Variants in ABCA1 observed in about 807,000 individuals in gnomAD.
ABCA1 encodes the protein ATP binding cassette subfamily A member 1.
Under a neutral mutation model 262.5 loss-of-function variants are expected in ABCA1, and 133 were observed. The observed-to-expected ratio is 0.51, with a 90% CI of 0.44 to 0.59. The LOEUF (loss-of-function observed/expected upper bound fraction) is 0.59, where lower values mean the gene tolerates loss of function less well. Among genes scored for constraint, ABCA1 ranks in the 20% least tolerant of loss-of-function variants. The pLI is 0.00. For missense variants in ABCA1, 2,452 were observed against 2,777.5 expected, an observed-to-expected ratio of 0.88 and a Z score of 2.63; for synonymous variants, 1,022 against 1,043.5, an observed-to-expected ratio of 0.98 and a Z score of 0.40.
At chr9:104,866,254 G>T (rs1219000128) in intron 5 of ABCA1, among the ~76,000 whole-genome samples, 1 of 152,108 alleles carries the variant, frequency 6.6e-6, no homozygotes, top group East Asian at 1.9e-4. Context: ...AAAAGGAGGG[G>T]GTGAGGACAG....
chr9:104,784,558 A>T, intron 49 of ABCA1, 103 bp from the exon 50 acceptor site: 1 of 1,360,928 alleles, frequency 7.3e-7, no homozygotes. Flanking sequence ...AAGTAGGAGC[A>T]TACAGAATTA....
chr9:104,840,218 A>G (rs1259582191), intron 9 of ABCA1, 61 bp downstream of exon 9: 3 of 1,612,506 alleles, frequency 1.9e-6, no homozygotes, highest in African/African-American at 1.3e-5. Flanking sequence ...ACACAGGCCA[A>G]GGCCAGAACT....
chr9:104,861,529 T>C (rs1836385826), intron 6 of ABCA1, 150 bp downstream of exon 6: 3 of 1,137,628 alleles, frequency 2.6e-6, no homozygotes, highest in Non-Finnish European at 3.9e-6. Context: ...CCTGCCTGAA[T>C]AGGGAAGTAA....
rs771051253 is a variant in ABCA1, at chr9:104,806,301, G to A, written c.4404C>T (p.Asp1468=). 6.2e-7 allele frequency: 1 copy of A among 1,614,106 alleles called. No homozygotes were observed. The highest frequency in any genetic ancestry group is 8.5e-7 in the Non-Finnish European group (1 of 1,180,032). The change falls in exon 31 of 50, where the codon GAC becomes GAT. Residue 1468 remains aspartate (D), a synonymous_variant. Transcript: ENST00000374736. The part of the protein sequence containing the change: ...NPSPACQCSS[D]KIKKMLPVCP... Reference sequence around the variant, plus strand: ...ACACAGGCAGCATCTTCTTGATTTTGTCGCTGCTACACTGGCATGCAGGTG... The same window carrying A: ...ACACAGGCAGCATCTTCTTGATTTTATCGCTGCTACACTGGCATGCAGGTG...
intron 7 of ABCA1, among the ~76,000 whole-genome samples, chr9:104,857,849 GA>G (rs1380113248): frequency 2.0e-5 from 3 of 152,118 alleles, no homozygotes; most frequent in Non-Finnish European, 2.9e-5. Flanking sequence ...GTAGCGAGAG[GA>G]ATTTCACCAG....
chr9:104,850,446 T>C (rs771988495), intron 7 of ABCA1, among the ~76,000 whole-genome samples: 21 of 152,236 alleles, frequency 1.4e-4, no homozygotes, highest in Non-Finnish European at 2.5e-4. Context: ...TGTTATTCTC[T>C]GTACCTTTTT....
At position 104,917,524 on chromosome 9, in the gene ABCA1, G is replaced by A. The variant is rs550932828; in HGVS notation, c.-93+10411C>T. On this transcript the variant is annotated intron_variant, in intron 1 of 49. Coordinates refer to ENST00000374736, the MANE Select transcript of ABCA1 (RefSeq NM_005502.4). ...GATTCTAGCACTTTGGGAGGCCGAGGTGGGTGGATCACCTGAGGTCAGGAG... is the reference window on the plus strand; with the variant it reads ...GATTCTAGCACTTTGGGAGGCCGAGATGGGTGGATCACCTGAGGTCAGGAG... 7.2e-5 allele frequency among the ~76,000 whole-genome samples: 11 copies of A among 152,314 alleles called. No homozygotes were observed. In the South Asian group the frequency reaches 2.3e-3, roughly 32 times the overall value.
intron 7 of ABCA1, among the ~76,000 whole-genome samples, chr9:104,846,511 T>C (rs1834902304): frequency 6.6e-6 from 1 of 152,224 alleles, no homozygotes; most frequent in Non-Finnish European, 1.5e-5. Context: ...TAATGTAGAC[T>C]ACACAAGAAA....
intron 5 of ABCA1, among the ~76,000 whole-genome samples, chr9:104,878,787 C>G (rs1440032348): frequency 6.6e-6 from 1 of 152,172 alleles, no homozygotes; most frequent in African/African-American, 2.4e-5. Context: ...AAATGATGCT[C>G]TAGCCAAGGA....
At position 104,809,537 on chromosome 9, in the gene ABCA1, G is replaced by T; in HGVS notation, c.4203C>A (p.Thr1401=). ...VSNDAPEDTG[T]LELLNALTKD... ...TGGTGAGGGCGTTTAAGAGTTCCAG[G>T]GTTCCCGTGTCCTCAGGAGCATCAT... Residue 1401 remains threonine (T), a synonymous_variant, in exon 30 of 50, where the codon ACC becomes ACA. Coordinates refer to ENST00000374736, the MANE Select transcript of ABCA1 (RefSeq NM_005502.4). 1 of 1,614,198 alleles carries T rather than the reference G, an allele frequency of 6.2e-7. No individual in the cohort carries two copies.
At chr9:104,855,892 ACACT>A (rs974825858) in intron 7 of ABCA1, 10 of 1,612,792 alleles carry the variant, frequency 6.2e-6, no homozygotes, top group African/African-American at 2.7e-5. Context: ...AAACAGGGAA[ACACT>A]CACGCACACA....
rs746652152 is a variant in ABCA1 at position 104,792,869 on chromosome 9, C to T, written c.5674G>A (p.Asp1892Asn). 6.2e-7 allele frequency: 1 copy of T among 1,614,116 alleles called. No homozygotes were observed. The highest frequency in any genetic ancestry group is 8.5e-7 in the Non-Finnish European group (1 of 1,180,004). The change falls in exon 42 of 50, where the codon GAT becomes AAT. Residue 1892 changes from aspartate (D) to asparagine (N), a missense_variant. Coordinates refer to ENST00000374736, the MANE Select transcript of ABCA1 (RefSeq NM_005502.4). ...TGTCTTTCCCGCCTCACATCTTCAT[C>T]TTCATCATTCAGAGGAGATAGCTTT... ...NAKLSPLNDE[D>N]EDVRRERQRI...
chr9:104,885,342 C>G (rs1839069994), intron 3 of ABCA1, among the ~76,000 whole-genome samples: 1 of 152,186 alleles, frequency 6.6e-6, no homozygotes, highest in South Asian at 2.1e-4. Context: ...GGTCCCAATC[C>G]AAGCCTCTTC....
chr9:104,891,906 T>C (rs1423174944), intron 2 of ABCA1, among the ~76,000 whole-genome samples: 1 of 138,570 alleles, frequency 7.2e-6, no homozygotes, highest in African/African-American at 2.7e-5. Context: ...CGGAGGTTGC[T>C]GTGAGCTGAG....
chr9:104,866,110 T>C (rs1564205956), intron 5 of ABCA1, among the ~76,000 whole-genome samples: 1 of 152,170 alleles, frequency 6.6e-6, no homozygotes, highest in African/African-American at 2.4e-5. Flanking sequence ...AGACCTCTCA[T>C]GATGACAACG....
In ABCA1 at chr9:104,837,072, C is replaced by A; in HGVS notation, c.1219G>T (p.Ala407Ser). 1.2e-6 allele frequency: 2 copies of A among 1,613,708 alleles called. No individual in the cohort carries two copies. The highest frequency in any genetic ancestry group is 1.7e-6 in the Non-Finnish European group (2 of 1,180,004). ...AEVNKTFQEL[A>S]VFHDLEGMWE... is the part of the protein sequence containing the mutation. ...ATGCCTTCCAGATCATGGAACACAGCCAGTTCCTGGAAGGTCTTGTTCACC... is the reference window on the plus strand; with the variant it reads ...ATGCCTTCCAGATCATGGAACACAGACAGTTCCTGGAAGGTCTTGTTCACC... Residue 407 changes from alanine to serine, a missense_variant, in exon 11 of 50, where the codon GCT (alanine) becomes TCT (serine). By Grantham distance (99) the Ala-to-Ser change is moderately conservative. Transcript: ENST00000374736.
At chr9:104,842,348 C>T (rs1834454262) in intron 8 of ABCA1, among the ~76,000 whole-genome samples, 1 of 152,116 alleles carries the variant, frequency 6.6e-6, no homozygotes, top group Non-Finnish European at 1.5e-5. Context: ...TTGGAACAGC[C>T]CTAGAGATTT....
At chr9:104,832,524 G>C (rs766874970) in intron 12 of ABCA1, 50 bp downstream of exon 12, 17 of 1,592,560 alleles carry the variant, frequency 1.1e-5, no homozygotes, top group Non-Finnish European at 1.3e-5. Flanking sequence ...TAACGTCTCA[G>C]AGAAAGAAGC....
intron 5 of ABCA1, among the ~76,000 whole-genome samples, chr9:104,874,128 C>T (rs1837886517): frequency 6.6e-6 from 1 of 152,204 alleles, no homozygotes; most frequent in Non-Finnish European, 1.5e-5. Flanking sequence ...CCCACTGAGT[C>T]CTTAGTACTA....
Sources: gnomAD v4.1 joint callset for allele counts (sites outside exome capture counted in the v4.1 genomes callset) on GRCh38, gnomAD v4.1.1 for gene constraint, MANE v1.5 for transcripts, NCBI Gene and HGNC (gene_info 2026-07-23, HGNC 2026-07-21) for gene names.